Variants in VPS13D observed in about 807,000 individuals in gnomAD.
The protein encoded by VPS13D is vacuolar protein sorting 13 homolog D, also known as intermembrane lipid transfer protein VPS13D.
In VPS13D, 187 loss-of-function variants were observed where a neutral mutation model predicts 461.9. The observed-to-expected ratio is 0.40, with a 90% CI of 0.36 to 0.46. The LOEUF is 0.46. Among genes scored for constraint, VPS13D ranks in the 20% least tolerant of loss-of-function variants. VPS13D has a pLI of 0.60. For synonymous variants in VPS13D, 1,951 were observed against 1,986.3 expected, an observed-to-expected ratio of 0.98 and a Z score of 0.47; for missense variants, 4,711 against 5,364.9, an observed-to-expected ratio of 0.88 and a Z score of 3.81.
intron 13 of VPS13D, among the ~76,000 whole-genome samples, chr1:12,265,590 A>C (rs1266717264): frequency 6.6e-6 from 1 of 152,226 alleles, no homozygotes; most frequent in African/African-American, 2.4e-5. Context: ...TCGTGGAAGG[A>C]GGTCAAAATA....
intron 10 of VPS13D, 43 bp downstream of exon 10, chr1:12,258,146 A>G (rs751472577): frequency 6.2e-7 from 1 of 1,605,176 alleles, no homozygotes; most frequent in South Asian, 1.1e-5. Flanking sequence ...TATTCAGAAG[A>G]TAAGAATGTT....
At chr1:12,330,339 C>T (rs1242897511) in intron 37 of VPS13D, among the ~76,000 whole-genome samples, 12 of 152,070 alleles carry the variant, frequency 7.9e-5, no homozygotes, top group African/African-American at 1.2e-4. Context: ...CACTTGAACC[C>T]GGCAGGCGGA....
At chr1:12,405,624 A>G (rs1047653035) in intron 63 of VPS13D, among the ~76,000 whole-genome samples, 1 of 152,138 alleles carries the variant, frequency 6.6e-6, no homozygotes, top group Non-Finnish European at 1.5e-5. Context: ...CTTTAATTTC[A>G]TGTTTCCCAG....
At chr1:12,455,890 G>A in intron 65 of VPS13D, 108 bp from the exon 66 acceptor site, 1 of 1,367,208 alleles carries the variant, frequency 7.3e-7, no homozygotes. Flanking sequence ...CTACAGACCA[G>A]CATGGGCTTA....
At position 12,285,583 on chromosome 1, in the gene VPS13D, C is replaced by T. The variant is rs200250012; in HGVS notation, c.5634+1847C>T. ...GGGATTACAGGAGTGAGCCACTGCG[C>T]GTTGCCTGCTGAAGTATTTTAAAGC... On this transcript the variant is annotated intron_variant, in intron 21 of 69. Coordinates refer to ENST00000620676, the MANE Select transcript of VPS13D (RefSeq NM_015378.4). Among the ~76,000 whole-genome samples, 13 of 152,060 alleles carry T rather than the reference C, an allele frequency of 8.5e-5. No homozygotes were observed. In the East Asian group the frequency reaches 1.7e-3, roughly 20 times the overall value.
chr1:12,264,816 G>A (rs532435830), intron 13 of VPS13D, among the ~76,000 whole-genome samples: 6 of 152,332 alleles, frequency 3.9e-5, no homozygotes, highest in African/African-American at 1.2e-4. Flanking sequence ...GATTTTCATT[G>A]TAGATGAAAA....
At chr1:12,337,565 CA>C (rs1643478508) in intron 39 of VPS13D, 1 of 152,168 alleles carries the variant, frequency 6.6e-6, no homozygotes, top group Non-Finnish European at 1.5e-5. Flanking sequence ...CTCCTTTTGA[CA>C]AAATTGTTGG....
intron 1 of VPS13D, among the ~76,000 whole-genome samples, chr1:12,230,419 C>T (rs1489537053): frequency 1.3e-5 from 2 of 152,096 alleles, no homozygotes; most frequent in African/African-American, 4.8e-5. Context: ...CTGGGAACCC[C>T]GACGTCCGTG....
Position 12,309,430 on chromosome 1 carries a change from C to T in VPS13D, c.6650+789C>T, listed in dbSNP as rs547483196. Among the ~76,000 whole-genome samples, 9 of 151,170 alleles carry T rather than the reference C, an allele frequency of 6.0e-5. No homozygotes were observed. The South Asian group carries it at 1.1e-3, about 18-fold the overall frequency. Reference sequence around the variant, plus strand: ...TTCACCATGTTGGCCAGGATGGTCTCGATCTCTTGACCTCGTGATCCACCT... The same window carrying T: ...TTCACCATGTTGGCCAGGATGGTCTTGATCTCTTGACCTCGTGATCCACCT... On this transcript the variant is annotated intron_variant, in intron 27 of 69. Transcript: ENST00000620676.
Position 12,338,232 on chromosome 1 carries a change from C to A in VPS13D, c.8553C>A (p.Ser2851Arg). 2 of 1,613,264 alleles carry A rather than the reference C, an allele frequency of 1.2e-6. No individual in the cohort carries two copies. The highest frequency in any genetic ancestry group is 1.7e-6 in the Non-Finnish European group (2 of 1,179,404). ...SSVDPPCFGQSLPLVYLRTRS... is the reference protein window; with the variant it reads ...SSVDPPCFGQRLPLVYLRTRS... Reference sequence around the variant, plus strand: ...AACTTTGTCTCTCCTGTCTACCAGGCCTCCCCCTTGTCTACCTTAGAACTA... The same window carrying A: ...AACTTTGTCTCTCCTGTCTACCAGGACTCCCCCTTGTCTACCTTAGAACTA... The change falls in exon 40 of 70, where the codon AGC becomes AGA. Residue 2851 changes from serine to arginine, a missense_variant and splice_region_variant. This residue lies in a region of VPS13D where 4,411 missense variants were observed against 4,937.8 expected (regional missense o/e 0.89). Coordinates refer to ENST00000620676, the MANE Select transcript of VPS13D (RefSeq NM_015378.4).
chr1:12,308,137 AGTT>A (rs1642620356), intron 26 of VPS13D, among the ~76,000 whole-genome samples: 1 of 152,162 alleles, frequency 6.6e-6, no homozygotes, highest in South Asian at 2.1e-4. Context: ...CCCCAGCCTC[AGTT>A]GTTGTCACAG....
intron 34 of VPS13D, among the ~76,000 whole-genome samples, chr1:12,323,200 G>A (rs934029743): frequency 3.3e-5 from 5 of 152,092 alleles, no homozygotes; most frequent in African/African-American, 9.7e-5. Flanking sequence ...CTCCTGAGTA[G>A]CTGGGAGGGA....
chr1:12,508,932 C>T lies in VPS13D; in HGVS notation c.13075C>T (p.Gln4359Ter). ...KSEVLAVKLS[Q>*]EINYAKSLYY... ...TGAGGTCCTTGCTGTCAAGTTGTCA[C>T]AAGAAATAAACTACGCAAAGAGCCT... is the stretch of plus-strand genomic sequence containing the variant. The change falls in exon 70 of 70, where the codon CAA (glutamine) becomes TAA (stop). Residue 4359 changes from glutamine (Q) to a stop codon, truncating the protein, a stop_gained. Coordinates refer to ENST00000620676, the MANE Select transcript of VPS13D (RefSeq NM_015378.4). LOFTEE classifies it high-confidence loss of function. 1.2e-6 allele frequency: 2 copies of T among 1,614,140 alleles called. No individual in the cohort carries two copies. Among genetic ancestry groups the T allele is most frequent in the Non-Finnish European group, 1.7e-6 (2 of 1,180,002 alleles).
intron 13 of VPS13D, among the ~76,000 whole-genome samples, chr1:12,264,901 G>C (rs1444401613): frequency 6.6e-6 from 1 of 152,200 alleles, no homozygotes; most frequent in Non-Finnish European, 1.5e-5. Flanking sequence ...TGGCTTCAAA[G>C]CTTCAAAGAA....
rs549492164 is a variant in VPS13D at position 12,441,086 on chromosome 1, C to T, written c.12334-14912C>T. ...GACTACAGGTATGCGCCACCATGCCCGGCTAATTTTTGTAATTTTAGTAGA... is the reference window on the plus strand; with the variant it reads ...GACTACAGGTATGCGCCACCATGCCTGGCTAATTTTTGTAATTTTAGTAGA... On this transcript the variant is annotated intron_variant, in intron 65 of 69. Coordinates refer to ENST00000620676, the MANE Select transcript of VPS13D (RefSeq NM_015378.4). 3.4e-4 allele frequency among the ~76,000 whole-genome samples: 52 copies of T among 151,990 alleles called. No homozygotes were observed. The South Asian group carries it at 7.1e-3, about 21-fold the overall frequency.
At chr1:12,307,255 T>A (rs1642592745) in intron 26 of VPS13D, among the ~76,000 whole-genome samples, 1 of 152,144 alleles carries the variant, frequency 6.6e-6, no homozygotes, top group Admixed American at 6.5e-5. Flanking sequence ...TAGATTATAA[T>A]AAATGTTATC....
intron 23 of VPS13D, among the ~76,000 whole-genome samples, chr1:12,293,064 T>G (rs1642179970): frequency 6.6e-6 from 1 of 152,220 alleles, no homozygotes; most frequent in African/African-American, 2.4e-5. Flanking sequence ...TCCAGAACTC[T>G]TTGACTTACA....
chr1:12,246,548 A>C (rs1170946579), intron 5 of VPS13D, among the ~76,000 whole-genome samples: 1 of 152,228 alleles, frequency 6.6e-6, no homozygotes, highest in Non-Finnish European at 1.5e-5. Context: ...CTTTCAGATA[A>C]GGGATACGTG....
At chr1:12,419,590 G>A (rs1013988267) in intron 65 of VPS13D, among the ~76,000 whole-genome samples, 17 of 152,150 alleles carry the variant, frequency 1.1e-4, no homozygotes, top group Non-Finnish European at 2.1e-4. Context: ...AAAGAAGGGG[G>A]AGGTGCTACA....
Sources: allele counts gnomAD v4.1 joint callset (sites outside exome capture counted in the v4.1 genomes callset), GRCh38; gene constraint gnomAD v4.1.1; regional missense constraint gnomAD v4.1.1; transcripts MANE v1.5; gene names NCBI Gene and HGNC (gene_info 2026-07-23, HGNC 2026-07-21).